The following ZFAND2A variants were observed in gnomAD, a reference collection of about 807,000 sequenced individuals.
ZFAND2A encodes the protein AN1-type zinc finger protein 2A.
Under a neutral mutation model 11.6 loss-of-function variants are expected in ZFAND2A, and 20 were observed. The observed-to-expected ratio is 1.72, with a 90% CI of 1.21 to 2.50. The LOEUF is 2.50. Among genes scored for constraint, ZFAND2A ranks in the 30% most tolerant of loss-of-function variants. The probability of loss-of-function intolerance (pLI) is 0.00; values close to 1 mark genes in which losing one functional copy is unlikely to be tolerated. For synonymous variants in ZFAND2A, 93 were observed against 60.6 expected (o/e 1.54, Z -2.48); for missense variants, 234 against 182.9 (o/e 1.28, Z -1.61).
intron 4 of ZFAND2A, among the ~76,000 whole-genome samples, chr7:1,153,768 A>G (rs1793455377): frequency 6.6e-6 from 1 of 152,124 alleles, no homozygotes; most frequent in Admixed American, 6.6e-5. Context: ...AACATGGTGA[A>G]ACCCCATCTC....
chr7:1,153,373 A>G (rs1014578818), intron 4 of ZFAND2A, 149 bp from the exon 5 acceptor site: 1 of 792,472 alleles, frequency 1.3e-6, no homozygotes, highest in East Asian at 2.8e-5. Flanking sequence ...TCAGCCTAGT[A>G]CCTGGTACTA....
downstream of ZFAND2A, chr7:1,152,285 G>A (rs1190509003): frequency 1.3e-6 from 2 of 1,585,168 alleles, no homozygotes; most frequent in Admixed American, 1.8e-5. Context: ...CAGCCCGCCA[G>A]GAGCCAGGGT....
chr7:1,157,561 G>T, intron 3 of ZFAND2A, 95 bp downstream of exon 3: 1 of 1,219,598 alleles, frequency 8.2e-7, no homozygotes, highest in Non-Finnish European at 1.1e-6. Flanking sequence ...AATTTTCAAT[G>T]AGTTAGCCAT....
At chr7:1,152,198 A>G, downstream of ZFAND2A, 1 of 1,522,636 alleles carries the variant, frequency 6.6e-7, no homozygotes, top group East Asian at 2.5e-5. Context: ...GTGTTCACCA[A>G]CCAAGAGCTG....
chr7:1,154,472 G>A (rs1185513360), intron 4 of ZFAND2A, among the ~76,000 whole-genome samples: 1 of 152,186 alleles, frequency 6.6e-6, no homozygotes, highest in Non-Finnish European at 1.5e-5. Flanking sequence ...GCAGTGCTGG[G>A]TGAGCCCCCA....
chr7:1,149,955 C>T (rs908785117), downstream of ZFAND2A, among the ~76,000 whole-genome samples: 1 of 151,368 alleles, frequency 6.6e-6, no homozygotes, highest in Non-Finnish European at 1.5e-5. Context: ...CGGGTTCAAG[C>T]GATCCTCTTG....
intron 4 of ZFAND2A, among the ~76,000 whole-genome samples, chr7:1,155,167 A>G (rs781326309): frequency 2.0e-5 from 3 of 152,214 alleles, no homozygotes; most frequent in Non-Finnish European, 2.9e-5. Flanking sequence ...GCACATGAAC[A>G]GAATGGATCT....
At chr7:1,151,765 A>AAG (rs1359463933), downstream of ZFAND2A, among the ~76,000 whole-genome samples, 19 of 148,942 alleles carry the variant, frequency 1.3e-4, no homozygotes, top group Admixed American at 2.0e-4. Flanking sequence ...TCCCTTTTAA[A>AAG]AAAAAAAAAG....
downstream of ZFAND2A, chr7:1,152,422 A>G (rs1793416927): frequency 1.4e-6 from 2 of 1,444,040 alleles, no homozygotes; most frequent in East Asian, 5.1e-5. Flanking sequence ...GCAGGTAAGC[A>G]ACTACCACTG....
intron 3 of ZFAND2A, 34 bp from the exon 4 acceptor site, chr7:1,155,618 C>T: frequency 3.7e-6 from 6 of 1,605,602 alleles, no homozygotes; most frequent in Non-Finnish European, 5.1e-6. Flanking sequence ...GCATCTGAGA[C>T]TCATGCAACT....
chr7:1,158,872 C>G (rs902261582), intron 1 of ZFAND2A, among the ~76,000 whole-genome samples: 5 of 152,104 alleles, frequency 3.3e-5, no homozygotes, highest in African/African-American at 1.2e-4. Context: ...TGATCTAGTA[C>G]CCACCAGCCC....
At chr7:1,159,500 CCCGGTCCCCAGCAGACAG>C (rs1192249103) in intron 1 of ZFAND2A, among the ~76,000 whole-genome samples, 1 of 144,370 alleles carries the variant, frequency 6.9e-6, no homozygotes, top group Non-Finnish European at 1.5e-5. Context: ...CCCCGGCAGG[CCCGGTCCCCAGCAGACAG>C]CCGGACCCCC....
downstream of ZFAND2A, chr7:1,152,101 C>A (rs979037380): frequency 3.1e-5 from 33 of 1,080,326 alleles, no homozygotes; most frequent in Non-Finnish European, 3.2e-5. Context: ...ACTTGGGGTC[C>A]CAGTCCTGTG....
intron 3 of ZFAND2A, 73 bp from the exon 4 acceptor site, chr7:1,155,657 T>TA: frequency 6.4e-7 from 1 of 1,562,118 alleles, no homozygotes; most frequent in Non-Finnish European, 8.7e-7. Context: ...AAACGAGTAC[T>TA]CCTGTGCGGC....
rs371701675 is a variant in ZFAND2A, at chr7:1,157,646, G to T, written c.150+10C>A. ...GAAGATGAGAATCTTTTGAACAAAG[G>T]ATCAATTACCTTCTGGAATGCAAAC... On this transcript the variant is annotated intron_variant, in intron 3 of 4. Transcript: ENST00000316495. 5.7e-6 allele frequency: 9 copies of T among 1,575,336 alleles called. No homozygotes were observed. In the African/African-American group the frequency reaches 1.2e-4, roughly 22 times the overall value.
At chr7:1,153,603 GCA>G (rs1793451742) in intron 4 of ZFAND2A, among the ~76,000 whole-genome samples, 3 of 152,206 alleles carry the variant, frequency 2.0e-5, no homozygotes, top group African/African-American at 7.2e-5. Flanking sequence ...GTTCCTGTCT[GCA>G]CAGAGTACAG....
intron 1 of ZFAND2A, 51 bp from the exon 2 acceptor site, chr7:1,158,308 AC>A: frequency 9.2e-7 from 1 of 1,089,260 alleles, no homozygotes; most frequent in Non-Finnish European, 1.4e-6. Context: ...CCCTTCAGTC[AC>A]CAGGATTTAC....
downstream of ZFAND2A, among the ~76,000 whole-genome samples, chr7:1,151,776 C>CAAAAAAAAA (rs1563158643): frequency 3.0e-4 from 16 of 52,664 alleles, no homozygotes; most frequent in African/African-American, 5.7e-4. Flanking sequence ...AAAAAAAAAG[C>CAAAAAAAAA]AAAGCCAGCC....
chr7:1,157,641 C>A lies in ZFAND2A; in HGVS notation c.150+15G>T. ...ACGGTGAAGATGAGAATCTTTTGAACAAAGGATCAATTACCTTCTGGAATG... is the reference window on the plus strand; with the variant it reads ...ACGGTGAAGATGAGAATCTTTTGAAAAAAGGATCAATTACCTTCTGGAATG... On this transcript the variant is annotated intron_variant, in intron 3 of 4. Coordinates refer to ENST00000316495, the MANE Select transcript of ZFAND2A (RefSeq NM_182491.4). 1.3e-6 allele frequency: 2 copies of A among 1,574,352 alleles called. No homozygotes were observed. Among genetic ancestry groups the A allele is most frequent in the Non-Finnish European group, 8.6e-7 (1 of 1,165,062 alleles).
Sources: gnomAD v4.1 joint callset for allele counts (sites outside exome capture counted in the v4.1 genomes callset) on GRCh38, gnomAD v4.1.1 for gene constraint, MANE v1.5 for transcripts, NCBI Gene and HGNC (gene_info 2026-07-23, HGNC 2026-07-21) for gene names.